The following TPTE variants were observed in gnomAD, a reference collection of about 807,000 sequenced individuals.
The protein encoded by TPTE is transmembrane phosphatase with tensin homology.
In TPTE, 59 loss-of-function variants were observed where a neutral mutation model predicts 84.1. The ratio of observed to expected loss-of-function variants is 0.70; its 90% CI spans 0.57 to 0.87. TPTE has a LOEUF of 0.87. Ranked by LOEUF, TPTE falls within the 40% of genes least tolerant of loss-of-function variation. TPTE has a pLI of 0.00. For synonymous variants in TPTE, 130 were observed against 223.5 expected, an observed-to-expected ratio of 0.58 and a Z score of 3.73; for missense variants, 382 against 659.6, an observed-to-expected ratio of 0.58 and a Z score of 4.61.
chr21:10,593,486 C>T (rs907448251), intron 19 of TPTE, among the ~76,000 whole-genome samples: 1 of 152,310 alleles, frequency 6.6e-6, no homozygotes, highest in Non-Finnish European at 1.5e-5. Flanking sequence ...GATTTCTCAC[C>T]ATTTTTTATT....
intron 11 of TPTE, among the ~76,000 whole-genome samples, chr21:10,568,402 CAAAG>C (rs1257135650): frequency 5.2e-5 from 8 of 152,408 alleles, no homozygotes; most frequent in Non-Finnish European, 8.8e-5. Context: ...GTGGTAGAAA[CAAAG>C]AAAGCAGGCA....
intron 14 of TPTE, among the ~76,000 whole-genome samples, chr21:10,573,942 T>C (rs2075097540): frequency 1.3e-5 from 2 of 152,308 alleles, no homozygotes; most frequent in South Asian, 4.1e-4. Context: ...TATTGGACAA[T>C]GCAAATTACA....
At chr21:10,566,721 A>T (rs1203569348) in intron 10 of TPTE, among the ~76,000 whole-genome samples, 1 of 152,306 alleles carries the variant, frequency 6.6e-6, no homozygotes, top group African/African-American at 2.4e-5. Flanking sequence ...TCATGCCTGT[A>T]ATCACAGCAC....
Position 10,541,115 on chromosome 21 carries a change from T to TG in TPTE, c.16dup (p.Asp6GlyfsTer4). ...TCTGACCATATTTGTCCTTTAGTCC[T>TG]GATCCGACTGACCTGGCGGGAGTCA... On this transcript the variant is annotated frameshift_variant, in exon 5 of 24. Transcript: ENST00000618007. LOFTEE classifies it high-confidence loss of function. The TG allele has an allele frequency of 6.2e-7, 1 of 1,613,130 alleles. No individual in the cohort carries two copies. Among genetic ancestry groups the TG allele is most frequent in the South Asian group, 1.1e-5 (1 of 91,076 alleles).
At chr21:10,548,097 G>GC (rs1214107080) in intron 7 of TPTE, among the ~76,000 whole-genome samples, 2 of 152,308 alleles carry the variant, frequency 1.3e-5, no homozygotes, top group Non-Finnish European at 2.9e-5. Context: ...CCCACAGGCT[G>GC]CCCCCAGCAG....
intron 20 of TPTE, among the ~76,000 whole-genome samples, chr21:10,596,421 A>G (rs2145789997): frequency 6.6e-6 from 1 of 152,430 alleles, no homozygotes; most frequent in East Asian, 1.9e-4. Flanking sequence ...AGGAGGACCC[A>G]TGTGCCCTCA....
chr21:10,585,101 CA>C (rs1315513666), intron 17 of TPTE, among the ~76,000 whole-genome samples: 2 of 152,424 alleles, frequency 1.3e-5, no homozygotes, highest in African/African-American at 4.8e-5. Context: ...GGTGCGGTGG[CA>C]CATGCCTGTA....
intron 14 of TPTE, among the ~76,000 whole-genome samples, chr21:10,571,849 A>G (rs1200743529): frequency 2.6e-5 from 4 of 152,308 alleles, no homozygotes; most frequent in African/African-American, 4.8e-5. Flanking sequence ...TCTAAAAAAT[A>G]CAAAAATTAG....
At chr21:10,580,865 G>GA (rs1568740584) in intron 17 of TPTE, among the ~76,000 whole-genome samples, 11,484 of 137,272 alleles carry the variant, frequency 0.084, 1 homozygote, top group African/African-American at 0.26. Flanking sequence ...TGAAAATGGG[G>GA]GAAAAAAGCC....
intron 17 of TPTE, among the ~76,000 whole-genome samples, chr21:10,589,563 G>A (rs1334622068): frequency 4.6e-5 from 7 of 152,418 alleles, no homozygotes; most frequent in Non-Finnish European, 7.3e-5. Context: ...CCAGGTTTGG[G>A]AAAATGCCGG....
intron 3 of TPTE, among the ~76,000 whole-genome samples, chr21:10,529,372 A>G (rs867451815): frequency 7.9e-5 from 12 of 152,422 alleles, no homozygotes; most frequent in East Asian, 1.9e-4. Context: ...CATTTTCACC[A>G]GGAGGACTTA....
rs1035308136 is a variant in TPTE at position 10,524,562 on chromosome 21, T to G, written c.-210-18T>G. 1 of 152,462 alleles carries G rather than the reference T, an allele frequency of 6.6e-6. No homozygotes were observed. The highest frequency in any genetic ancestry group is 1.5e-5 in the Non-Finnish European group (1 of 68,154). 9.4% of individuals were successfully genotyped at this position (152,462 alleles called of 1,614,324 possible). On this transcript the variant is annotated intron_variant, in intron 1 of 23. Coordinates refer to ENST00000618007, the MANE Select transcript of TPTE (RefSeq NM_199261.4). The stretch of plus-strand genomic sequence containing the variant: ...AGAAAACTGCTAACAGGATCTTGAT[T>G]AAATTTCTCCCTCTTAGAGAATGTT...
rs1234977549 is a variant in TPTE, at chr21:10,581,806, C to T, written c.1027+3201C>T. ...GGAGTGCAGTGGCACAATCTCGGCT[C>T]ATTGCAGCCTGAACCTCCCGGGGTT... On this transcript the variant is annotated intron_variant, in intron 17 of 23. Transcript: ENST00000618007. Among the ~76,000 whole-genome samples, 32 of 152,360 alleles carry T rather than the reference C, an allele frequency of 2.1e-4. No individual in the cohort carries two copies. In the East Asian group the frequency reaches 5.5e-3, roughly 26 times the overall value.
chr21:10,590,847 T>A (rs4126569), intron 18 of TPTE, among the ~76,000 whole-genome samples: 114 of 151,956 alleles, frequency 7.5e-4, no homozygotes, highest in African/African-American at 2.6e-3. Flanking sequence ...AAATCGATGA[T>A]GTATACAATA....
intron 7 of TPTE, among the ~76,000 whole-genome samples, chr21:10,550,729 T>TCCA (rs2074557221): frequency 6.6e-6 from 1 of 152,302 alleles, no homozygotes; most frequent in South Asian, 2.1e-4. Flanking sequence ...AGACTTAAAC[T>TCCA]CCACCATAGA....
At chr21:10,594,520 A>C (rs2075544240) in intron 19 of TPTE, among the ~76,000 whole-genome samples, 3 of 152,306 alleles carry the variant, frequency 2.0e-5, no homozygotes, top group Admixed American at 2.0e-4. Flanking sequence ...TGTTGTTTTA[A>C]GTTGTAGGAG....
intron 11 of TPTE, among the ~76,000 whole-genome samples, chr21:10,568,970 T>A (rs563846124): frequency 3.9e-5 from 6 of 152,402 alleles, no homozygotes; most frequent in African/African-American, 1.4e-4. Context: ...AGTGAACATC[T>A]GTTACTCATG....
At chr21:10,533,426 T>C (rs1387700544) in intron 3 of TPTE, among the ~76,000 whole-genome samples, 2 of 152,308 alleles carry the variant, frequency 1.3e-5, no homozygotes, top group African/African-American at 4.8e-5. Context: ...CTACAGTCGG[T>C]ATGTTGTTGT....
intron 14 of TPTE, among the ~76,000 whole-genome samples, chr21:10,576,833 A>T (rs1312065569): frequency 1.4e-5 from 2 of 141,422 alleles, no homozygotes; most frequent in African/African-American, 5.2e-5. Flanking sequence ...GGTTATACAT[A>T]TATACATATA....
Sources: gnomAD v4.1 joint callset for allele counts (sites outside exome capture counted in the v4.1 genomes callset) on GRCh38, gnomAD v4.1.1 for gene constraint, MANE v1.5 for transcripts, NCBI Gene and HGNC (gene_info 2026-07-23, HGNC 2026-07-21) for gene names.